Variants in MAST2 observed in about 807,000 individuals in gnomAD.
The protein encoded by MAST2 is microtubule-associated serine/threonine-protein kinase 2.
Under a neutral mutation model 147.4 loss-of-function variants are expected in MAST2, and 70 were observed. The ratio of observed to expected loss-of-function variants is 0.47; its 90% CI spans 0.39 to 0.58. MAST2 has a LOEUF of 0.58. Among genes scored for constraint, MAST2 ranks in the 20% least tolerant of loss-of-function variants. MAST2 has a pLI of 0.00. For synonymous variants in MAST2, 869 were observed against 896.8 expected, an observed-to-expected ratio of 0.97 and a Z score of 0.55; for missense variants, 2,080 against 2,302.3, an observed-to-expected ratio of 0.90 and a Z score of 1.98.
Position 46,002,738 on chromosome 1 carries a change from A to G in MAST2, c.669-67A>G, listed in dbSNP as rs562312180. The G allele has an allele frequency of 5.7e-6, 8 of 1,413,928 alleles. No individual in the cohort carries two copies. The South Asian group carries it at 8.0e-5, about 14-fold the overall frequency. 87.6% of individuals were successfully genotyped at this position (1,413,928 alleles called of 1,614,324 possible). ...AACTGCCCCCAAAATGCTGATGAAC[A>G]GACAGGCAGGTTGTGGGTCAGGGTG... is the stretch of plus-strand genomic sequence containing the variant. On this transcript the variant is annotated intron_variant, in intron 6 of 28. Transcript: ENST00000361297.
At chr1:45,953,133 G>A (rs1428561606) in intron 4 of MAST2, among the ~76,000 whole-genome samples, 1 of 151,648 alleles carries the variant, frequency 6.6e-6, no homozygotes, top group Non-Finnish European at 1.5e-5. Flanking sequence ...ACATTGTTGA[G>A]ACAAGAACAC....
intron 4 of MAST2, among the ~76,000 whole-genome samples, chr1:45,917,073 T>G (rs1652657886): frequency 1.3e-5 from 2 of 152,320 alleles, no homozygotes; most frequent in Admixed American, 1.3e-4. Flanking sequence ...AGCAAAACTC[T>G]GTCTCAAAAA....
chr1:45,872,756 C>CA (rs1227530890), intron 3 of MAST2, among the ~76,000 whole-genome samples: 9 of 152,174 alleles, frequency 5.9e-5, no homozygotes. Flanking sequence ...GCTTGGATTA[C>CA]AGGCGTGAGC....
At chr1:45,911,940 G>A (rs1320623625) in intron 4 of MAST2, among the ~76,000 whole-genome samples, 8 of 149,938 alleles carry the variant, frequency 5.3e-5, no homozygotes, top group Non-Finnish European at 1.2e-4. Flanking sequence ...GGAGAATATT[G>A]AGTAGAAACT....
chr1:46,034,291 G>A, intron 28 of MAST2, 25 bp downstream of exon 28: 2 of 1,593,016 alleles, frequency 1.3e-6, no homozygotes, highest in Non-Finnish European at 1.7e-6. Context: ...CTGCAGATCA[G>A]TGACAACCCC....
intron 3 of MAST2, among the ~76,000 whole-genome samples, chr1:45,834,909 G>A (rs1030023217): frequency 3.3e-5 from 5 of 149,770 alleles, no homozygotes; most frequent in African/African-American, 9.8e-5. Context: ...CTTTCCATCC[G>A]CCCAAGCCAG....
At chr1:45,979,356 C>A (rs1002687349) in intron 5 of MAST2, among the ~76,000 whole-genome samples, 1 of 151,986 alleles carries the variant, frequency 6.6e-6, no homozygotes, top group African/African-American at 2.4e-5. Flanking sequence ...CTGTCTCCTC[C>A]AGCTGCTAAA....
intron 4 of MAST2, among the ~76,000 whole-genome samples, chr1:45,915,373 T>G (rs1652316679): frequency 6.6e-6 from 1 of 152,182 alleles, no homozygotes; most frequent in African/African-American, 2.4e-5. Context: ...TCTAGACCCA[T>G]TGTATAACCA....
chr1:45,860,688 C>T (rs1264921933), intron 3 of MAST2, among the ~76,000 whole-genome samples: 2 of 151,824 alleles, frequency 1.3e-5, no homozygotes, highest in African/African-American at 4.8e-5. Flanking sequence ...AAAAATTAGC[C>T]AAGCGTAGTG....
chr1:45,851,649 A>G (rs1645627328), intron 3 of MAST2, among the ~76,000 whole-genome samples: 1 of 152,064 alleles, frequency 6.6e-6, no homozygotes, highest in African/African-American at 2.4e-5. Context: ...TTGGATGCCT[A>G]GTTTGTTGAG....
intron 5 of MAST2, among the ~76,000 whole-genome samples, chr1:45,993,482 G>A (rs563080912): frequency 6.6e-5 from 10 of 152,148 alleles, no homozygotes; most frequent in East Asian, 3.9e-4. Context: ...TCAGGAGTTC[G>A]AGACCAGCCT....
rs142262424 is a variant in MAST2, at chr1:45,983,137, C to T, written c.593-14587C>T. On this transcript the variant is annotated intron_variant, in intron 5 of 28. Transcript: ENST00000361297. Reference sequence around the variant, plus strand: ...CTTGGAAACCATTTCTTTTCTCCAACGTTGGCCATATTTGGTAATGTAGAA... The same window carrying T: ...CTTGGAAACCATTTCTTTTCTCCAATGTTGGCCATATTTGGTAATGTAGAA... Among the ~76,000 whole-genome samples the T allele has an allele frequency of 5.8e-3, 885 of 152,244 alleles. 6 individuals are homozygous for T. Among genetic ancestry groups the T allele is most frequent in the South Asian group, 0.013 (61 of 4,820 alleles).
At chr1:45,878,732 T>C (rs917999563) in intron 3 of MAST2, among the ~76,000 whole-genome samples, 5 of 152,156 alleles carry the variant, frequency 3.3e-5, no homozygotes, top group African/African-American at 1.2e-4. Flanking sequence ...TAAAAGTTTT[T>C]ATTTATAATA....
chr1:45,984,784 T>G (rs1462093505), intron 5 of MAST2, among the ~76,000 whole-genome samples: 1 of 151,962 alleles, frequency 6.6e-6, no homozygotes, highest in African/African-American at 2.4e-5. Flanking sequence ...GCCCAGGAGT[T>G]CAAGACTGCA....
chr1:46,003,020 G>A (rs772254720), intron 7 of MAST2, 137 bp downstream of exon 7: 15 of 851,972 alleles, frequency 1.8e-5, no homozygotes, highest in Non-Finnish European at 2.7e-5. Flanking sequence ...ATGATGTTGG[G>A]TGCAACAGAG....
chr1:45,935,376 T>C (rs1375885123), intron 4 of MAST2, among the ~76,000 whole-genome samples: 2 of 152,246 alleles, frequency 1.3e-5, no homozygotes, highest in Non-Finnish European at 2.9e-5. Flanking sequence ...TTTATTTTGC[T>C]GTGCAGAAGC....
intron 4 of MAST2, among the ~76,000 whole-genome samples, chr1:45,898,208 A>G (rs7556436): frequency 0.44 from 67,641 of 152,014 alleles, 15,247 homozygotes; most frequent in East Asian, 0.62. Context: ...GTGTAGTCAT[A>G]CTAGCATCCT....
intron 5 of MAST2, among the ~76,000 whole-genome samples, chr1:45,983,601 C>T (rs1352045267): frequency 6.6e-6 from 1 of 151,890 alleles, no homozygotes; most frequent in Non-Finnish European, 1.5e-5. Flanking sequence ...AAGCAGTCCT[C>T]CCACCTCAGC....
intron 4 of MAST2, among the ~76,000 whole-genome samples, chr1:45,903,052 T>C (rs561549020): frequency 6.6e-6 from 1 of 151,964 alleles, no homozygotes; most frequent in South Asian, 2.1e-4. Flanking sequence ...TTCTAGTTTC[T>C]TTAGCTATGA....
Sources: gnomAD v4.1 joint callset for allele counts (sites outside exome capture counted in the v4.1 genomes callset) on GRCh38, gnomAD v4.1.1 for gene constraint, MANE v1.5 for transcripts, NCBI Gene and HGNC (gene_info 2026-07-23, HGNC 2026-07-21) for gene names.